PCDH15: variants seen among roughly 807,000 people sequenced by gnomAD.
The protein encoded by PCDH15 is protocadherin related 15.
A neutral mutation model predicts 178.5 loss-of-function variants in PCDH15; 129 were observed. The ratio of observed to expected loss-of-function variants is 0.72; its 90% CI spans 0.63 to 0.84. The LOEUF (loss-of-function observed/expected upper bound fraction) is 0.84, where lower values mean the gene tolerates loss of function less well. Among genes scored for constraint, PCDH15 ranks in the 40% least tolerant of loss-of-function variants. The pLI, the probability that PCDH15 is intolerant of heterozygous loss-of-function variation, is 0.00. For synonymous variants in PCDH15, 800 were observed against 732.0 expected (o/e 1.09, Z -1.50); for missense variants, 2,230 against 2,099.9 (o/e 1.06, Z -1.21).
intron 27 of PCDH15, among the ~76,000 whole-genome samples, chr10:53,859,915 G>T (rs1476259222): frequency 6.6e-6 from 1 of 152,134 alleles, no homozygotes. Context: ...GGTAGAAACA[G>T]GATTTAATCA....
intron 28 of PCDH15, among the ~76,000 whole-genome samples, chr10:53,848,310 T>G (rs2078114862): frequency 6.6e-6 from 1 of 151,868 alleles, no homozygotes; most frequent in Non-Finnish European, 1.5e-5. Flanking sequence ...CCACTATGTA[T>G]TTTAGAGATC....
intron 2 of PCDH15, among the ~76,000 whole-genome samples, chr10:55,158,648 C>G (rs1838965605): frequency 6.9e-6 from 1 of 145,454 alleles, no homozygotes; most frequent in Non-Finnish European, 1.5e-5. Context: ...TACATGAAAT[C>G]ATTAAAGAAG....
chr10:54,967,346 CAT>C (rs1838818709), intron 2 of PCDH15, among the ~76,000 whole-genome samples: 1 of 152,160 alleles, frequency 6.6e-6, no homozygotes, highest in Non-Finnish European at 1.5e-5. Context: ...TGCACACACA[CAT>C]GAAACCATCA....
At chr10:54,979,064 A>G (rs2131901964) in intron 2 of PCDH15, among the ~76,000 whole-genome samples, 1 of 152,306 alleles carries the variant, frequency 6.6e-6, no homozygotes, top group East Asian at 1.9e-4. Context: ...TAGGTGAAGA[A>G]ACAGGTGCAG....
chr10:55,183,812 T>C (rs1021201637), intron 1 of PCDH15, among the ~76,000 whole-genome samples: 13 of 152,012 alleles, frequency 8.6e-5, no homozygotes, highest in African/African-American at 3.1e-4. Flanking sequence ...TGGACAGTAC[T>C]AGTTTATCCC....
In PCDH15 at chr10:54,424,936, C is replaced by T. The variant is rs187686275; in HGVS notation, c.158-45994G>A. Among the ~76,000 whole-genome samples, 1,110 of 148,508 alleles carry T rather than the reference C, an allele frequency of 7.5e-3. 15 individuals are homozygous for T. The highest frequency in any genetic ancestry group is 0.026 in the African/African-American group (1,054 of 40,130). ...TGATGAGTTAATGGGTGAAGCACAC[C>T]AACATGGCACATGTATATATATGTA... On this transcript the variant is annotated intron_variant, in intron 3 of 37. Transcript: ENST00000644397.
At chr10:55,021,779 C>A (rs951092937) in intron 2 of PCDH15, among the ~76,000 whole-genome samples, 37 of 152,132 alleles carry the variant, frequency 2.4e-4, no homozygotes, top group African/African-American at 8.9e-4. Flanking sequence ...TAAGAACATA[C>A]CGTCACTTGT....
chr10:55,033,548 T>C (rs1055658381), intron 2 of PCDH15, among the ~76,000 whole-genome samples: 1 of 152,198 alleles, frequency 6.6e-6, no homozygotes, highest in African/African-American at 2.4e-5. Context: ...GTCTTGTGTC[T>C]GTCTTACCAT....
At chr10:54,640,440 T>C (rs185002957) in intron 2 of PCDH15, among the ~76,000 whole-genome samples, 189 of 152,134 alleles carry the variant, frequency 1.2e-3, no homozygotes, top group African/African-American at 4.3e-3. Context: ...CTTAGTAAAA[T>C]AAATGAACTA....
At chr10:54,138,195 C>A (rs2043060089) in intron 14 of PCDH15, among the ~76,000 whole-genome samples, 1 of 151,992 alleles carries the variant, frequency 6.6e-6, no homozygotes, top group East Asian at 1.9e-4. Flanking sequence ...AGTATGGACA[C>A]TTTTTGGGGG....
intron 2 of PCDH15, among the ~76,000 whole-genome samples, chr10:55,394,292 T>C (rs1001343004): frequency 5.3e-5 from 8 of 152,056 alleles, no homozygotes; most frequent in African/African-American, 1.9e-4. Flanking sequence ...CCCTCTTCTT[T>C]TCCCTTCATA....
intron 1 of PCDH15, among the ~76,000 whole-genome samples, chr10:54,753,214 G>T (rs1022878113): frequency 3.3e-5 from 5 of 151,896 alleles, no homozygotes; most frequent in African/African-American, 7.3e-5. Context: ...TCGAGACAGG[G>T]TCTCTGTCAC....
At chr10:54,820,818 C>T (rs1381168641) in intron 3 of PCDH15, among the ~76,000 whole-genome samples, 2 of 151,952 alleles carry the variant, frequency 1.3e-5, no homozygotes, top group Non-Finnish European at 2.9e-5. Flanking sequence ...CAGCCACCAC[C>T]ATTAATGAAT....
intron 18 of PCDH15, among the ~76,000 whole-genome samples, chr10:54,053,467 T>A (rs1565134590): frequency 6.6e-6 from 1 of 152,176 alleles, no homozygotes; most frequent in East Asian, 1.9e-4. Context: ...ATAAATATAC[T>A]CTAGCAATTA....
intron 1 of PCDH15, among the ~76,000 whole-genome samples, chr10:54,730,701 A>T (rs1472296325): frequency 6.6e-6 from 1 of 151,466 alleles, no homozygotes; most frequent in Non-Finnish European, 1.5e-5. Context: ...AAACTGGATA[A>T]CCATATGTAA....
At chr10:54,247,957 TATAC>T (rs1359438066) in intron 8 of PCDH15, among the ~76,000 whole-genome samples, 1 of 137,558 alleles carries the variant, frequency 7.3e-6, no homozygotes, top group African/African-American at 3.2e-5. Flanking sequence ...TATATATATA[TATAC>T]ACATACAGTA....
chr10:55,317,707 C>T (rs1843761780), intron 1 of PCDH15, among the ~76,000 whole-genome samples: 2 of 149,668 alleles, frequency 1.3e-5, no homozygotes, highest in African/African-American at 2.5e-5. Flanking sequence ...GTGCAAAACC[C>T]AGCTTAAAAC....
intron 2 of PCDH15, among the ~76,000 whole-genome samples, chr10:55,438,126 C>T (rs550363716): frequency 4.6e-5 from 7 of 151,770 alleles, no homozygotes; most frequent in African/African-American, 1.2e-4. Flanking sequence ...TGAGCCCCTG[C>T]GCCTGGCCTC....
chr10:53,840,246 A>G (rs1243583196), intron 29 of PCDH15, 74 bp downstream of exon 29: 1 of 1,517,488 alleles, frequency 6.6e-7, no homozygotes, highest in African/African-American at 1.4e-5. Flanking sequence ...TTAAGTACTT[A>G]TAGCCTCAAG....
Sources: gnomAD v4.1 joint callset for allele counts (sites outside exome capture counted in the v4.1 genomes callset) on GRCh38, gnomAD v4.1.1 for gene constraint, MANE v1.5 for transcripts, NCBI Gene and HGNC (gene_info 2026-07-23, HGNC 2026-07-21) for gene names.